Variants in CYREN observed in about 807,000 individuals in gnomAD.
CYREN encodes cell cycle regulator of non-homologous end joining.
In CYREN, 7 loss-of-function variants were observed where a neutral mutation model predicts 9.7. The observed-to-expected ratio is 0.72, with a 90% confidence interval of 0.41 to 1.36. The LOEUF (loss-of-function observed/expected upper bound fraction) is 1.36, where lower values mean the gene tolerates loss of function less well. CYREN is among the 40% of genes most tolerant of loss of function. The pLI, the probability that CYREN is intolerant of heterozygous loss-of-function variation, is 0.01. For missense variants in CYREN, 215 were observed against 198.1 expected (o/e 1.09, Z -0.51); for synonymous variants, 76 against 77.9 (o/e 0.98, Z 0.13).
intron 2 of CYREN, among the ~76,000 whole-genome samples, chr7:135,122,687 C>G (rs1042795596): frequency 2.0e-5 from 3 of 152,150 alleles, no homozygotes; most frequent in African/African-American, 7.2e-5. Flanking sequence ...GGAGCAGGCA[C>G]CCTTCTTTGC....
chr7:135,125,633 C>A (rs187575518), intron 2 of CYREN, among the ~76,000 whole-genome samples: 21 of 152,164 alleles, frequency 1.4e-4, no homozygotes, highest in Admixed American at 1.3e-3. Context: ...AACATCAATA[C>A]GAAAATCCTC....
Position 135,166,809 on chromosome 7 carries a change from G to A in CYREN, c.276C>T (p.His92=). ...GAGGCGACACGGAGCAGGGAGGGGAGTGCTCTGGGTTATCAGCCCCCGCCA... is the reference window on the plus strand; with the variant it reads ...GAGGCGACACGGAGCAGGGAGGGGAATGCTCTGGGTTATCAGCCCCCGCCA... The part of the protein sequence containing the change: ...PALAGADNPE[H]SPPCSVSPHT... Residue 92 remains histidine, a synonymous_variant, in exon 4 of 4, where the codon CAC becomes CAT. Coordinates refer to ENST00000393114, the MANE Select transcript of CYREN (RefSeq NM_024033.4). The A allele has an allele frequency of 6.2e-7, 1 of 1,614,230 alleles. No homozygotes were observed. Among genetic ancestry groups the A allele is most frequent in the Non-Finnish European group, 8.5e-7 (1 of 1,180,046 alleles).
intron 2 of CYREN, among the ~76,000 whole-genome samples, chr7:135,150,798 G>A (rs1247113234): frequency 3.9e-5 from 6 of 152,226 alleles, no homozygotes; most frequent in Non-Finnish European, 7.3e-5. Context: ...AGAGATTGCA[G>A]TGAGCCAAGA....
chr7:135,129,310 C>T (rs2094237440), intron 2 of CYREN: 4 of 1,431,622 alleles, frequency 2.8e-6, no homozygotes, highest in African/African-American at 2.8e-5. Flanking sequence ...CATGGGGTCT[C>T]TCCATGTAAG....
chr7:135,133,067 GCACACACACA>G (rs55861736), intron 2 of CYREN, among the ~76,000 whole-genome samples: 52,465 of 150,336 alleles, frequency 0.35, 9,318 homozygotes, highest in South Asian at 0.55. Context: ...ACGCATGCGT[GCACACACACA>G]CACACACACA....
At chr7:135,111,526 G>A (rs1306135403) in intron 2 of CYREN, among the ~76,000 whole-genome samples, 1 of 151,996 alleles carries the variant, frequency 6.6e-6, no homozygotes, top group African/African-American at 2.4e-5. Context: ...CCATCATCCA[G>A]TTATCTAAGT....
chr7:135,171,983 T>G (rs910956180), upstream of CYREN, among the ~76,000 whole-genome samples: 3 of 152,224 alleles, frequency 2.0e-5, no homozygotes, highest in Non-Finnish European at 4.4e-5. Flanking sequence ...AAGACTAGTT[T>G]TTGGAACTTG....
intron 2 of CYREN, among the ~76,000 whole-genome samples, chr7:135,103,464 T>G (rs142121617): frequency 2.0e-5 from 3 of 152,210 alleles, no homozygotes; most frequent in Non-Finnish European, 2.9e-5. Flanking sequence ...TGTTTCTTTA[T>G]TTTCTTAATA....
At chr7:135,155,707 C>T (rs1350175274) in intron 2 of CYREN, among the ~76,000 whole-genome samples, 14 of 152,026 alleles carry the variant, frequency 9.2e-5, no homozygotes, top group Non-Finnish European at 5.9e-5. Flanking sequence ...AAAAATTAAC[C>T]GGGCATGGTG....
At chr7:135,129,444 A>G in intron 2 of CYREN, 5 of 781,968 alleles carry the variant, frequency 6.4e-6, no homozygotes, top group Non-Finnish European at 1.2e-5. Flanking sequence ...AGAGATGGAA[A>G]GTAAGGAGTG....
chr7:135,132,041 C>T (rs1458137619), intron 2 of CYREN, among the ~76,000 whole-genome samples: 1 of 151,940 alleles, frequency 6.6e-6, no homozygotes, highest in African/African-American at 2.4e-5. Flanking sequence ...AATTTTAAAA[C>T]CCTAAAAAAG....
At chr7:135,113,883 GA>G (rs1825969938) in intron 2 of CYREN, among the ~76,000 whole-genome samples, 1 of 152,174 alleles carries the variant, frequency 6.6e-6, no homozygotes, top group South Asian at 2.1e-4. Context: ...TAGTCAAATA[GA>G]ATTCTAGTCA....
exon 3 of CYREN, chr7:135,093,627 G>A (rs1822195091): frequency 6.6e-6 from 1 of 151,996 alleles, no homozygotes; most frequent in African/African-American, 2.4e-5. Context: ...TAAATAAATG[G>A]CAAGATAACT....
chr7:135,143,298 G>A (rs1315397795), intron 2 of CYREN, among the ~76,000 whole-genome samples: 1 of 152,096 alleles, frequency 6.6e-6, no homozygotes, highest in African/African-American at 2.4e-5. Context: ...AGAGAGACAA[G>A]AAAAAGATCC....
downstream of CYREN, among the ~76,000 whole-genome samples, chr7:135,162,138 T>C (rs1006269780): frequency 6.6e-6 from 1 of 152,248 alleles, no homozygotes; most frequent in African/African-American, 2.4e-5. Context: ...ACTTGGTCCC[T>C]TTCTGTAACA....
rs761203155 is a variant in CYREN at position 135,166,605 on chromosome 7, T to A, written c.*6A>T. The A allele has an allele frequency of 6.3e-7, 1 of 1,585,110 alleles. No homozygotes were observed. The highest frequency in any genetic ancestry group is 1.1e-5 in the South Asian group (1 of 88,014). On this transcript the variant is annotated 3_prime_UTR_variant, in exon 4 of 4. Transcript: ENST00000393114. Reference sequence around the variant, plus strand: ...TCGGCAGACAGTTCAGTGCACAGTTTATGCCCTAGCTGAAAAAGATCTCCC... The same window carrying A: ...TCGGCAGACAGTTCAGTGCACAGTTAATGCCCTAGCTGAAAAAGATCTCCC...
At chr7:135,112,134 CT>C (rs1322236309) in intron 2 of CYREN, among the ~76,000 whole-genome samples, 1 of 152,210 alleles carries the variant, frequency 6.6e-6, no homozygotes, top group Non-Finnish European at 1.5e-5. Flanking sequence ...TCTCTTGAAT[CT>C]GCTCTCTTCA....
At chr7:135,123,527 C>T (rs551202516) in intron 2 of CYREN, among the ~76,000 whole-genome samples, 48 of 152,092 alleles carry the variant, frequency 3.2e-4, no homozygotes, top group Non-Finnish European at 6.0e-4. Context: ...TATGCAAATT[C>T]AGGAAATACA....
At chr7:135,155,870 C>T (rs1012310611) in intron 2 of CYREN, among the ~76,000 whole-genome samples, 4 of 152,210 alleles carry the variant, frequency 2.6e-5, no homozygotes, top group African/African-American at 9.7e-5. Context: ...TAATTAAAAA[C>T]ACCATTCATT....
Sources: allele counts gnomAD v4.1 joint callset (sites outside exome capture counted in the v4.1 genomes callset), GRCh38; gene constraint gnomAD v4.1.1; transcripts MANE v1.5; gene names NCBI Gene and HGNC (gene_info 2026-07-23, HGNC 2026-07-21).